Variants in LINGO2 observed in about 807,000 individuals in gnomAD.
The protein encoded by LINGO2 is leucine rich repeat and Ig domain containing 2.
LINGO2 carries 14 observed loss-of-function variants against 30.6 expected under a neutral mutation model. That is an observed-to-expected ratio of 0.46 (90% CI 0.30 to 0.72). The LOEUF is 0.72. Among genes scored for constraint, LINGO2 ranks in the 30% least tolerant of loss-of-function variants. LINGO2 has a pLI of 0.07. For missense variants in LINGO2, 729 were observed against 751.7 expected (o/e 0.97, Z 0.35); for synonymous variants, 317 against 288.5 (o/e 1.10, Z -1.00).
intron 1 of LINGO2, among the ~76,000 whole-genome samples, chr9:28,562,177 G>A (rs1420480032): frequency 6.6e-6 from 1 of 151,908 alleles, no homozygotes; most frequent in Non-Finnish European, 1.5e-5. Flanking sequence ...AAGATGATTG[G>A]TCTCCTCGTT....
At chr9:28,660,517 T>G (rs1428953604) in intron 1 of LINGO2, among the ~76,000 whole-genome samples, 1 of 152,092 alleles carries the variant, frequency 6.6e-6, no homozygotes. Flanking sequence ...TTTCAAAAAT[T>G]TATAATTTAT....
intron 4 of LINGO2, among the ~76,000 whole-genome samples, chr9:28,026,522 A>C (rs1269029548): frequency 6.6e-6 from 1 of 152,202 alleles, no homozygotes; most frequent in Non-Finnish European, 1.5e-5. Flanking sequence ...GAACCACATA[A>C]TAATGTAAAG....
chr9:28,320,323 G>C (rs1824993696), intron 3 of LINGO2, among the ~76,000 whole-genome samples: 1 of 152,040 alleles, frequency 6.6e-6, no homozygotes, highest in Non-Finnish European at 1.5e-5. Flanking sequence ...TGAACTGAAG[G>C]GTTCTTAGAA....
At chr9:27,964,221 G>C (rs560388051) in intron 5 of LINGO2, among the ~76,000 whole-genome samples, 1 of 152,218 alleles carries the variant, frequency 6.6e-6, no homozygotes, top group African/African-American at 2.4e-5. Context: ...CAGACTTGGA[G>C]AGCATCAAAT....
intron 4 of LINGO2, among the ~76,000 whole-genome samples, chr9:28,251,516 T>C (rs566227730): frequency 3.9e-5 from 6 of 152,288 alleles, no homozygotes; most frequent in Non-Finnish European, 4.4e-5. Context: ...CCTGAAAACA[T>C]GTATGTAATG....
At chr9:28,765,267 G>A in the LINGO2 span, among the ~76,000 whole-genome samples, 1 of 152,028 alleles carries the variant, frequency 6.6e-6, no homozygotes, top group South Asian at 2.1e-4. Flanking sequence ...AAAGCTATTA[G>A]AATAAAAATA....
At chr9:28,227,495 A>G (rs1000302833) in intron 4 of LINGO2, among the ~76,000 whole-genome samples, 2 of 152,130 alleles carry the variant, frequency 1.3e-5, no homozygotes, top group Admixed American at 1.3e-4. Flanking sequence ...GGAAATGCAG[A>G]ATCTATATTG....
At chr9:28,146,199 G>A (rs1453806269) in intron 4 of LINGO2, among the ~76,000 whole-genome samples, 1 of 152,168 alleles carries the variant, frequency 6.6e-6, no homozygotes, top group Non-Finnish European at 1.5e-5. Flanking sequence ...CTGCCCACAG[G>A]TCAAGAGAAA....
chr9:28,365,457 T>A (rs191099692), intron 3 of LINGO2, among the ~76,000 whole-genome samples: 163 of 152,094 alleles, frequency 1.1e-3, no homozygotes, highest in African/African-American at 3.8e-3. Context: ...GGCTGTATAG[T>A]GAAATACCAG....
chr9:28,297,597 A>G lies in LINGO2; in HGVS notation c.-245-2231T>C, dbSNP rs141601038. On this transcript the variant is annotated intron_variant, in intron 3 of 5. Transcript: ENST00000379992. Reference sequence around the variant, plus strand: ...TCTGCTATGTGACCAGAGCTGGGAAATTCATGAGGTTTGTCAGTGAGTAGA... The same window carrying G: ...TCTGCTATGTGACCAGAGCTGGGAAGTTCATGAGGTTTGTCAGTGAGTAGA... 5.5e-4 allele frequency among the ~76,000 whole-genome samples: 84 copies of G among 152,308 alleles called. 1 individual carries two copies. In the East Asian group the frequency reaches 0.014, roughly 25 times the overall value.
the LINGO2 span, among the ~76,000 whole-genome samples, chr9:28,740,175 G>A: frequency 1.3e-5 from 2 of 150,620 alleles, no homozygotes; most frequent in African/African-American, 5.0e-5. Context: ...ATGGACTAGT[G>A]TATGATCATT....
At chr9:28,378,059 T>C (rs1821198070) in intron 2 of LINGO2, among the ~76,000 whole-genome samples, 1 of 152,204 alleles carries the variant, frequency 6.6e-6, no homozygotes, top group Admixed American at 6.5e-5. Flanking sequence ...ATTTATACTT[T>C]CTATTTAAGC....
rs144485778 is a variant in LINGO2, at chr9:28,193,955, G to C, written c.-87+101253C>G. 2.0e-5 allele frequency among the ~76,000 whole-genome samples: 3 copies of C among 152,302 alleles called. No homozygotes were observed. In the East Asian group the frequency reaches 5.8e-4, roughly 29 times the overall value. ...CATACGGCAGCTGATTTGCCCCAGA[G>C]TGAGCAGTCAAAGAAAGAAAAGTGG... On this transcript the variant is annotated intron_variant, in intron 4 of 5. Coordinates refer to ENST00000379992, the Ensembl canonical transcript of LINGO2.
At chr9:28,592,628 T>A (rs980171257) in intron 1 of LINGO2, among the ~76,000 whole-genome samples, 1 of 152,080 alleles carries the variant, frequency 6.6e-6, no homozygotes, top group African/African-American at 2.4e-5. Flanking sequence ...TTAGATCACA[T>A]GTCCATGGTT....
chr9:28,574,605 G>C (rs1468537305), intron 1 of LINGO2, among the ~76,000 whole-genome samples: 1 of 152,032 alleles, frequency 6.6e-6, no homozygotes, highest in Non-Finnish European at 1.5e-5. Flanking sequence ...ACTATGAAGA[G>C]GACTCTATAT....
At chr9:29,159,652 T>A in the LINGO2 span, among the ~76,000 whole-genome samples, 4 of 151,748 alleles carry the variant, frequency 2.6e-5, no homozygotes, top group African/African-American at 9.7e-5. Flanking sequence ...AGGTCAGGAG[T>A]TCGAGACAAG....
the LINGO2 span, among the ~76,000 whole-genome samples, chr9:29,054,776 A>C: frequency 6.6e-6 from 1 of 152,222 alleles, no homozygotes; most frequent in Non-Finnish European, 1.5e-5. Flanking sequence ...ATACAAACAT[A>C]TATATTTAAA....
At chr9:28,688,563 C>T in the LINGO2 span, among the ~76,000 whole-genome samples, 1 of 152,024 alleles carries the variant, frequency 6.6e-6, no homozygotes, top group Non-Finnish European at 1.5e-5. Flanking sequence ...GGAAATTGCC[C>T]GAGGAAGAAT....
intron 1 of LINGO2, among the ~76,000 whole-genome samples, chr9:28,664,660 A>C (rs1828720872): frequency 6.6e-6 from 1 of 152,054 alleles, no homozygotes; most frequent in Non-Finnish European, 1.5e-5. Flanking sequence ...CACAGAACCA[A>C]GGAATCTCTC....
Sources: gnomAD v4.1 joint callset for allele counts (sites outside exome capture counted in the v4.1 genomes callset) on GRCh38, gnomAD v4.1.1 for gene constraint, MANE v1.5 for transcripts, NCBI Gene and HGNC (gene_info 2026-07-23, HGNC 2026-07-21) for gene names.